The following USP20 variants were observed in gnomAD, a reference collection of about 807,000 sequenced individuals.
USP20 encodes the protein ubiquitin specific peptidase 20.
Under a neutral mutation model 124.2 loss-of-function variants are expected in USP20, and 80 were observed. The ratio of observed to expected loss-of-function variants is 0.64; its 90% CI spans 0.54 to 0.78. USP20 has a LOEUF of 0.78. USP20 is among the 30% of genes least tolerant of loss of function. The pLI is 0.00. For synonymous variants in USP20, 481 were observed against 512.3 expected, an observed-to-expected ratio of 0.94 and a Z score of 0.83; for missense variants, 1,043 against 1,244.4, an observed-to-expected ratio of 0.84 and a Z score of 2.44.
chr9:129,858,800 C>T (rs892815620), intron 6 of USP20, among the ~76,000 whole-genome samples: 3 of 152,186 alleles, frequency 2.0e-5, no homozygotes, highest in African/African-American at 7.2e-5. Flanking sequence ...ATGTGTGAGA[C>T]CATGAGGGTG....
At chr9:129,878,284 GTAAA>G (rs765175099) in intron 22 of USP20, 50 bp from the exon 23 acceptor site, 11 of 1,441,334 alleles carry the variant, frequency 7.6e-6, no homozygotes, top group Non-Finnish European at 1.1e-5. Flanking sequence ...CTTGCTGAAG[GTAAA>G]TAGAGACTGA....
chr9:129,852,724 C>A (rs2032994042), intron 3 of USP20, 88 bp downstream of exon 3: 2 of 1,329,336 alleles, frequency 1.5e-6, no homozygotes, highest in African/African-American at 1.5e-5. Context: ...AGTGGAAAAA[C>A]TGGTTCCCTG....
Position 129,879,302 on chromosome 9 carries a change from G to A in USP20, c.2513-271G>A, listed in dbSNP as rs148284922. 10,996 of 453,240 alleles carry A rather than the reference G, an allele frequency of 0.024. 240 individuals carry two copies. Among genetic ancestry groups the A allele is most frequent in the Admixed American group, 0.029 (743 of 26,004 alleles). 28.1% of individuals were successfully genotyped at this position (453,240 alleles called of 1,614,324 possible). A position where few individuals can be genotyped will look rare whatever the true frequency, so the allele number is the denominator to read the frequency against. ...GCAGAGGGGAAGGGGCGTGGTGAGCGGCAGCTGCCAGCAGAGATAAGGGCA... is the reference window on the plus strand; with the variant it reads ...GCAGAGGGGAAGGGGCGTGGTGAGCAGCAGCTGCCAGCAGAGATAAGGGCA... On this transcript the variant is annotated intron_variant, in intron 23 of 25. Coordinates refer to ENST00000372429, the MANE Select transcript of USP20 (RefSeq NM_001110303.4). This position sits in a 1 kb window ranked among gnomAD's most constrained non-coding sequence, Gnocchi z 4.2.
intron 10 of USP20, among the ~76,000 whole-genome samples, chr9:129,865,594 C>T (rs1193199041): frequency 1.3e-5 from 2 of 152,166 alleles, no homozygotes; most frequent in African/African-American, 4.8e-5. Context: ...CACAGATGGA[C>T]AGACTGAGGT....
chr9:129,848,613 A>G (rs1402471480), intron 1 of USP20, among the ~76,000 whole-genome samples: 2 of 151,404 alleles, frequency 1.3e-5, no homozygotes, highest in South Asian at 2.1e-4. Flanking sequence ...AGATCATGCC[A>G]CTGTACTCCA....
chr9:129,842,451 C>T (rs1030581447), intron 1 of USP20, among the ~76,000 whole-genome samples: 11 of 152,138 alleles, frequency 7.2e-5, no homozygotes, highest in African/African-American at 1.9e-4. Context: ...TTTCCCAGCA[C>T]CCCAAGTCAC....
chr9:129,849,642 A>G (rs1363553176), intron 1 of USP20, among the ~76,000 whole-genome samples, 171 bp from the exon 2 acceptor site: 2 of 152,210 alleles, frequency 1.3e-5, no homozygotes, highest in Non-Finnish European at 2.9e-5. Context: ...GCACACCTAT[A>G]GTCCCAGCTA....
At chr9:129,848,022 G>A (rs2032684886) in intron 1 of USP20, among the ~76,000 whole-genome samples, 3 of 152,036 alleles carry the variant, frequency 2.0e-5, no homozygotes, top group Non-Finnish European at 2.9e-5. Flanking sequence ...GGTGGGCCGA[G>A]CACGGTGGCT....
intron 2 of USP20, among the ~76,000 whole-genome samples, 179 bp from the exon 3 acceptor site, chr9:129,852,361 T>C (rs1463837167): frequency 6.6e-6 from 1 of 152,186 alleles, no homozygotes; most frequent in Non-Finnish European, 1.5e-5. Flanking sequence ...CTGGGGCAAC[T>C]GTTATCTTCT....
intron 5 of USP20, 117 bp downstream of exon 5, chr9:129,858,229 G>C (rs1006082864): frequency 4.1e-6 from 5 of 1,221,458 alleles, no homozygotes; most frequent in African/African-American, 1.5e-5. Flanking sequence ...TGTCATCCTA[G>C]CATAGCTTCT....
chr9:129,852,209 C>T (rs2032960051), intron 2 of USP20, among the ~76,000 whole-genome samples: 1 of 152,192 alleles, frequency 6.6e-6, no homozygotes, highest in Non-Finnish European at 1.5e-5. Flanking sequence ...GTGTGCAGCT[C>T]CCTGCATGCA....
At chr9:129,870,809 G>T (rs961341395) in intron 15 of USP20, among the ~76,000 whole-genome samples, 1 of 152,212 alleles carries the variant, frequency 6.6e-6, no homozygotes, top group Non-Finnish European at 1.5e-5. Flanking sequence ...GGGCAAAAAT[G>T]ATGTATGTTA....
At chr9:129,846,228 C>CATATATATATATATATATAT (rs1159489842) in intron 1 of USP20, among the ~76,000 whole-genome samples, 6 of 59,424 alleles carry the variant, frequency 1.0e-4, no homozygotes, top group South Asian at 7.4e-4. Context: ...TGCGCCCAGC[C>CATATATATATATATATATAT]ATATATATAT....
chr9:129,837,782 T>G (rs1446506224), intron 1 of USP20, among the ~76,000 whole-genome samples: 1 of 152,204 alleles, frequency 6.6e-6, no homozygotes, highest in Non-Finnish European at 1.5e-5. Context: ...ACATGACAGA[T>G]AAAGCAGTGG....
At chr9:129,843,258 C>T (rs907570915) in intron 1 of USP20, among the ~76,000 whole-genome samples, 1 of 151,864 alleles carries the variant, frequency 6.6e-6, no homozygotes, top group African/African-American at 2.4e-5. Flanking sequence ...GGTGAAACCT[C>T]GTCTCTACTA....
chr9:129,857,250 T>C (rs576762719), intron 4 of USP20, among the ~76,000 whole-genome samples: 8 of 152,222 alleles, frequency 5.3e-5, no homozygotes, highest in Admixed American at 1.3e-4. Context: ...TGTTATCTCC[T>C]GGGCTGTTAC....
At chr9:129,857,169 T>C (rs944110689) in intron 4 of USP20, among the ~76,000 whole-genome samples, 1 of 152,018 alleles carries the variant, frequency 6.6e-6, no homozygotes, top group Non-Finnish European at 1.5e-5. Context: ...CCTCTTCTGC[T>C]CAGCCCTGTC....
chr9:129,875,362 G>A lies in USP20; in HGVS notation c.2101G>A (p.Ala701Thr), dbSNP rs537303607. ...RERQQVVSLA[A>T]MREPSLLRFY... ...GCGACAGCAGGTGGTGTCCCTGGCCGCCATGCGGGAGCCCAGCCTGCTGCG... is the reference window on the plus strand; with the variant it reads ...GCGACAGCAGGTGGTGTCCCTGGCCACCATGCGGGAGCCCAGCCTGCTGCG... The change falls in exon 20 of 26, where the codon GCC (alanine) becomes ACC (threonine). Residue 701 changes from alanine to threonine, a missense_variant. Transcript: ENST00000372429. 9.3e-6 allele frequency: 15 copies of A among 1,612,648 alleles called. No homozygotes were observed. Among genetic ancestry groups the A allele is most frequent in the African/African-American group, 5.3e-5 (4 of 74,916 alleles).
chr9:129,840,857 G>A (rs1399958937), intron 1 of USP20, among the ~76,000 whole-genome samples: 2 of 140,560 alleles, frequency 1.4e-5, no homozygotes, highest in South Asian at 2.4e-4. Context: ...TGCAACCTCC[G>A]CCTCCCAGGT....
Sources: allele counts gnomAD v4.1 joint callset (sites outside exome capture counted in the v4.1 genomes callset), GRCh38; gene constraint gnomAD v4.1.1; non-coding constraint Gnocchi (gnomAD v3.1); transcripts MANE v1.5; gene names NCBI Gene and HGNC (gene_info 2026-07-23, HGNC 2026-07-21).